TCHH: variants seen among roughly 807,000 people sequenced by gnomAD.
TCHH encodes the protein trichohyalin.
Under a neutral mutation model 6.3 loss-of-function variants are expected in TCHH, and 6 were observed. The observed-to-expected ratio is 0.95, with a 90% CI of 0.52 to 1.88. TCHH has a LOEUF of 1.88. Among genes scored for constraint, TCHH ranks in the 40% most tolerant of loss-of-function variants. The pLI, the probability that TCHH is intolerant of heterozygous loss-of-function variation, is 0.01. For synonymous variants in TCHH, 1,087 were observed against 963.6 expected, an observed-to-expected ratio of 1.13 and a Z score of -2.37; for missense variants, 2,920 against 2,449.1, an observed-to-expected ratio of 1.19 and a Z score of -4.06.
Position 152,108,441 on chromosome 1 carries a change from T to C in TCHH, c.4776A>G (p.Glu1592=). ...RLEEQKVRRQ[E]QERKFMEDEQ... is the part of the protein sequence containing the mutation. Reference sequence around the variant, plus strand: ...CGTCCTCCATGAATTTTCTCTCTTGTTCCTGGCGGCGCACTTTCTGTTCCT... The same window carrying C: ...CGTCCTCCATGAATTTTCTCTCTTGCTCCTGGCGGCGCACTTTCTGTTCCT... Residue 1592 remains glutamate, a synonymous_variant, in exon 3 of 3, where the codon GAA becomes GAG. Coordinates refer to ENST00000614923, the MANE Select transcript of TCHH (RefSeq NM_007113.4). The C allele has an allele frequency of 1.2e-6, 2 of 1,610,886 alleles. No homozygotes were observed. The highest frequency in any genetic ancestry group is 1.1e-5 in the South Asian group (1 of 90,920).
Position 152,112,670 on chromosome 1 carries a change from G to A in TCHH, c.547C>T (p.Arg183Trp), listed in dbSNP as rs766702248. 1.2e-6 allele frequency: 2 copies of A among 1,613,990 alleles called. No homozygotes were observed. ...TCTTCCTCTGCACGGCGCTCTTCCC[G>A]TTCTTGCCATTCTTGCCTTTGCCGC... ...LWRQRQEWQE[R>W]EERRAEEEQL... is the part of the protein sequence containing the mutation. The change falls in exon 3 of 3, where the codon CGG becomes TGG. Residue 183 changes from arginine to tryptophan, a missense_variant. Transcript: ENST00000614923.
Position 152,108,475 on chromosome 1 carries a change from A to G in TCHH, c.4742T>C (p.Phe1581Ser). 6.2e-7 allele frequency: 1 copy of G among 1,609,588 alleles called. No individual in the cohort carries two copies. Among genetic ancestry groups the G allele is most frequent in the South Asian group, 1.1e-5 (1 of 90,830 alleles). Residue 1581 changes from phenylalanine to serine, a missense_variant, in exon 3 of 3, where the codon TTC (phenylalanine) becomes TCC (serine). Physicochemically the swap from Phe to Ser is radical, Grantham distance 155. Transcript: ENST00000614923. ...GCGCACTTTCTGTTCCTCTAAACGG[A>G]ATTTTCTGTCACGCTCTTGGCGGCT... is the stretch of plus-strand genomic sequence containing the variant. ...QLSRQERDRKFRLEEQKVRRQ... is the reference protein window; with the variant it reads ...QLSRQERDRKSRLEEQKVRRQ...
chr1:152,107,519 C>A lies in TCHH; in HGVS notation c.5698G>T (p.Glu1900Ter). Residue 1900 changes from glutamate to a stop codon, truncating the protein, a stop_gained, in exon 3 of 3, where the codon GAG (glutamate) becomes TAG (stop). Coordinates refer to ENST00000614923, the MANE Select transcript of TCHH (RefSeq NM_007113.4). LOFTEE classifies it high-confidence loss of function. ...CCCTTCCCTTCTTGGGATTTTATCTCCCCGACTTGGCGGTGCCTCTGTTCC... is the reference window on the plus strand; with the variant it reads ...CCCTTCCCTTCTTGGGATTTTATCTACCCGACTTGGCGGTGCCTCTGTTCC... ...KEEQRHRQVG[E>*]IKSQEGKGHG... 1 of 1,614,168 alleles carries A rather than the reference C, an allele frequency of 6.2e-7. No individual in the cohort carries two copies. The highest frequency in any genetic ancestry group is 8.5e-7 in the Non-Finnish European group (1 of 1,180,026).
rs776809280 is a variant in TCHH at position 152,112,931 on chromosome 1, C to T, written c.286G>A (p.Asp96Asn). Residue 96 changes from aspartate (D) to asparagine (N), a missense_variant, in exon 3 of 3, where the codon GAT becomes AAT. Asp to Asn is a conservative substitution (Grantham distance 23). Transcript: ENST00000614923. ...TCACACCGGGCTCGCTTCTCCTCAT[C>T]CAGTCCCGTGGCCTGGCCGAGAGCA... ...YYALGQATGL[D>N]EEKRARCDGK... is the part of the protein sequence containing the mutation. The T allele has an allele frequency of 2.5e-6, 4 of 1,613,888 alleles. No individual in the cohort carries two copies. In the East Asian group the frequency reaches 6.7e-5, roughly 27 times the overall value.
In TCHH at chr1:152,110,582, C is replaced by A; in HGVS notation, c.2635G>T (p.Glu879Ter). 1.2e-6 allele frequency: 2 copies of A among 1,614,106 alleles called. No individual in the cohort carries two copies. The highest frequency in any genetic ancestry group is 1.7e-6 in the Non-Finnish European group (2 of 1,179,974). The change falls in exon 3 of 3, where the codon GAA (glutamate) becomes TAA (stop). Residue 879 changes from glutamate to a stop codon, truncating the protein, a stop_gained. Transcript: ENST00000614923. LOFTEE classifies it low-confidence loss of function (END_TRUNC). ...RRDQKWRWQL[E>*]EERKRRRHTL... is the part of the protein sequence containing the mutation. ...TGGCGGCGTCTCTTCCTTTCTTCTT[C>A]TAGTTGCCACCTCCATTTTTGGTCG...
Position 152,113,067 on chromosome 1 carries a change from G to T in TCHH, c.150C>A (p.Asp50Glu). The T allele has an allele frequency of 6.3e-7, 1 of 1,595,082 alleles. No individual in the cohort carries two copies. Among genetic ancestry groups the T allele is most frequent in the East Asian group, 2.2e-5 (1 of 44,658 alleles). Residue 50 changes from aspartate (D) to glutamate (E), a missense_variant, in exon 3 of 3, where the codon GAC (aspartate) becomes GAA (glutamate). Transcript: ENST00000614923. ...EFGAVLRRPH[D>E]PKTVDLILEL... The stretch of plus-strand genomic sequence containing the variant: ...CCAGGATCAGATCTACCGTCTTAGG[G>T]TCATGTGGTCTCTATAAAAATGGTG...
In TCHH at chr1:152,109,190, G is replaced by GAA; in HGVS notation, c.4026_4027insTT (p.Gln1343PhefsTer82). 6.2e-7 allele frequency: 1 copy of GAA among 1,614,124 alleles called. No homozygotes were observed. Among genetic ancestry groups the GAA allele is most frequent in the Non-Finnish European group, 8.5e-7 (1 of 1,179,944 alleles). ...TGTTCCTCCCTTTCCTGGAGCAGCT[G>GAA]TTCCTCCTCGCGGAATTTTCTGTCT... On this transcript the variant is annotated frameshift_variant, in exon 3 of 3. Coordinates refer to ENST00000614923, the MANE Select transcript of TCHH (RefSeq NM_007113.4). LOFTEE classifies it low-confidence loss of function (END_TRUNC).
Position 152,107,632 on chromosome 1 carries a change from T to C in TCHH, c.5585A>G (p.Gln1862Arg). ...CTGCTCCTCTTCTTGCCATAGTTCT[T>C]GTTCCTCACGACGACTCTTCTCCTG... ...ATQEKSRREE[Q>R]ELWQEEEQKR... The change falls in exon 3 of 3, where the codon CAA (glutamine) becomes CGA (arginine). Residue 1862 changes from glutamine (Q) to arginine (R), a missense_variant. Coordinates refer to ENST00000614923, the MANE Select transcript of TCHH (RefSeq NM_007113.4). The C allele has an allele frequency of 1.9e-6, 3 of 1,614,160 alleles. No homozygotes were observed. Among genetic ancestry groups the C allele is most frequent in the South Asian group, 1.1e-5 (1 of 91,076 alleles).
In TCHH at chr1:152,109,174, C is replaced by G. The variant is rs112406611; in HGVS notation, c.4043G>C (p.Arg1348Thr). The G allele has an allele frequency of 3.7e-5, 59 of 1,613,470 alleles. No homozygotes were observed. Among genetic ancestry groups the G allele is most frequent in the Non-Finnish European group, 4.7e-5 (56 of 1,179,728 alleles). Residue 1348 changes from arginine to threonine, a missense_variant, in exon 3 of 3, where the codon AGG becomes ACG. Transcript: ENST00000614923. ...TTGGCGGCGCAGCGGCTGTTCCTCC[C>G]TTTCCTGGAGCAGCTGTTCCTCCTC... The part of the protein sequence containing the change: ...FREEEQLLQE[R>T]EEQPLRRQER...
rs371247136 is a variant in TCHH, at chr1:152,110,195, G to A, written c.3022C>T (p.Arg1008Trp). 25 of 1,606,368 alleles carry A rather than the reference G, an allele frequency of 1.6e-5. No individual in the cohort carries two copies. In the African/African-American group the frequency reaches 2.1e-4, roughly 13 times the overall value. The change falls in exon 3 of 3, where the codon CGG (arginine) becomes TGG (tryptophan). Residue 1008 changes from arginine (R) to tryptophan (W), a missense_variant. Coordinates refer to ENST00000614923, the MANE Select transcript of TCHH (RefSeq NM_007113.4). Reference sequence around the variant, plus strand: ...CACTCCTGGCGCCTTCTCTTCTCCCGTTCCTCTCTCAGCAGCTGCTCTTCC... The same window carrying A: ...CACTCCTGGCGCCTTCTCTTCTCCCATTCCTCTCTCAGCAGCTGCTCTTCC... Reference protein sequence around the residue: ...QEEEQLLREEREKRRRQEWER... With the variant: ...QEEEQLLREEWEKRRRQEWER...
chr1:152,113,058 C>G lies in TCHH; in HGVS notation c.159G>C (p.Thr53=), dbSNP rs766566615. The G allele has an allele frequency of 3.1e-6, 5 of 1,610,384 alleles. No homozygotes were observed. The Admixed American group carries it at 8.4e-5, about 27-fold the overall frequency. ...AVLRRPHDPK[T]VDLILELLDL... ...CCAGAAGTTCCAGGATCAGATCTACCGTCTTAGGGTCATGTGGTCTCTATA... is the reference window on the plus strand; with the variant it reads ...CCAGAAGTTCCAGGATCAGATCTACGGTCTTAGGGTCATGTGGTCTCTATA... Residue 53 remains threonine, a synonymous_variant, in exon 3 of 3, where the codon ACG becomes ACC. Transcript: ENST00000614923.
rs754288544 is a variant in TCHH at position 152,109,772 on chromosome 1, C to G, written c.3445G>C (p.Glu1149Gln). The change falls in exon 3 of 3, where the codon GAG becomes CAG. Residue 1149 changes from glutamate to glutamine, a missense_variant. Transcript: ENST00000614923. ...TCCTCTCTCAGCAGCTGCTCTTCCT[C>G]CTGCTGCACCTCCTCTTCCTCCCGA... Reference protein sequence around the residue: ...QYREEEEVQQEEEQLLREEPE... With the variant: ...QYREEEEVQQQEEQLLREEPE... The G allele has an allele frequency of 6.3e-7, 1 of 1,580,238 alleles. No homozygotes were observed. Among genetic ancestry groups the G allele is most frequent in the South Asian group, 1.1e-5 (1 of 88,960 alleles).
Position 152,110,184 on chromosome 1 carries a change from T to G in TCHH, c.3033A>C (p.Arg1011Ser), listed in dbSNP as rs1658281101. The stretch of plus-strand genomic sequence containing the variant: ...ACTGCCTCTCCCACTCCTGGCGCCT[T>G]CTCTTCTCCCGTTCCTCTCTCAGCA... ...EQLLREEREK[R>S]RRQEWERQYR... Residue 1011 changes from arginine to serine, a missense_variant, in exon 3 of 3, where the codon AGA (arginine) becomes AGC (serine). Physicochemically the swap from Arg to Ser is moderately radical, Grantham distance 110. Coordinates refer to ENST00000614923, the MANE Select transcript of TCHH (RefSeq NM_007113.4). 1 of 1,607,618 alleles carries G rather than the reference T, an allele frequency of 6.2e-7. No individual in the cohort carries two copies. The highest frequency in any genetic ancestry group is 1.7e-5 in the Admixed American group (1 of 59,436).
At position 152,109,172 on chromosome 1, in the gene TCHH, C is replaced by T. The variant is rs1189805421; in HGVS notation, c.4045G>A (p.Glu1349Lys). Reference protein sequence around the residue: ...REEEQLLQEREEQPLRRQERD... With the variant: ...REEEQLLQERKEQPLRRQERD... ...TCTTGGCGGCGCAGCGGCTGTTCCT[C>T]CCTTTCCTGGAGCAGCTGTTCCTCC... is the stretch of plus-strand genomic sequence containing the variant. The change falls in exon 3 of 3, where the codon GAG (glutamate) becomes AAG (lysine). Residue 1349 changes from glutamate to lysine, a missense_variant. Coordinates refer to ENST00000614923, the MANE Select transcript of TCHH (RefSeq NM_007113.4). 2.5e-6 allele frequency: 4 copies of T among 1,613,940 alleles called. No individual in the cohort carries two copies. Among genetic ancestry groups the T allele is most frequent in the South Asian group, 2.2e-5 (2 of 91,088 alleles).
At position 152,111,554 on chromosome 1, in the gene TCHH, C is replaced by T. The variant is rs575016195; in HGVS notation, c.1663G>A (p.Glu555Lys). 2.3e-5 allele frequency: 36 copies of T among 1,573,868 alleles called. No individual in the cohort carries two copies. In the African/African-American group the frequency reaches 4.6e-4, roughly 20 times the overall value. ...CGCCTCTCCTGCTCGAGCCTCTTCT[C>T]CTCCTCGCGCTTCAGCAGCTGCTCG... ...RREQLLKREE[E>K]KRLEQERREQ... The change falls in exon 3 of 3, where the codon GAG becomes AAG. Residue 555 changes from glutamate (E) to lysine (K), a missense_variant. Coordinates refer to ENST00000614923, the MANE Select transcript of TCHH (RefSeq NM_007113.4).
rs1557813999 is a variant in TCHH, at chr1:152,114,007, C to T, written c.74G>A (p.Gly25Glu). 1 of 1,613,946 alleles carries T rather than the reference C, an allele frequency of 6.2e-7. No individual in the cohort carries two copies. Among genetic ancestry groups the T allele is most frequent in the Non-Finnish European group, 8.5e-7 (1 of 1,179,928 alleles). ...CAGGTCTTTCTTAGTTAATGCTGCT[C>T]CATCACAATCATGAGAGACATACTG... ...FNQYVSHDCD[G>E]AALTKKDLKN... The change falls in exon 2 of 3, where the codon GGA (glycine) becomes GAA (glutamate). Residue 25 changes from glycine to glutamate, a missense_variant. Gly to Glu is a moderately conservative substitution (Grantham distance 98). Transcript: ENST00000614923.
Position 152,108,614 on chromosome 1 carries a change from G to A in TCHH, c.4603C>T (p.Gln1535Ter). The change falls in exon 3 of 3, where the codon CAG becomes TAG. Residue 1535 changes from glutamine (Q) to a stop codon, truncating the protein, a stop_gained. Transcript: ENST00000614923. LOFTEE classifies it low-confidence loss of function (END_TRUNC). Reference protein sequence around the residue: ...HRQQRQRKFLQEEQQLRRQER... With the variant: ...HRQQRQRKFL ...TGGCGGCGCAGCTGCTGTTCCTCCT[G>A]GAGGAATTTTCTCTGCCGTTGCTGG... The A allele has an allele frequency of 6.3e-7, 1 of 1,591,966 alleles. No homozygotes were observed.
In TCHH at chr1:152,107,125, T is replaced by TA. The variant is rs1658127332; in HGVS notation, c.*259_*260insT. 2 of 307,554 alleles carry TA rather than the reference T, an allele frequency of 6.5e-6. No homozygotes were observed. Among genetic ancestry groups the TA allele is most frequent in the Non-Finnish European group, 1.2e-5 (2 of 168,966 alleles). The allele number at this position is 307,554 out of a possible 1,614,324, so 19.1% of individuals were successfully genotyped here. On this transcript the variant is annotated 3_prime_UTR_variant, in exon 3 of 3. Coordinates refer to ENST00000614923, the MANE Select transcript of TCHH (RefSeq NM_007113.4). The stretch of plus-strand genomic sequence containing the variant: ...TCTTAAACAAATTAAATGATTTATA[T>TA]TTTTTTTAAATGCACACCACATCTG...
rs1658291437 is a variant in TCHH, at chr1:152,110,357, G to A, written c.2860C>T (p.Gln954Ter). Residue 954 changes from glutamine to a stop codon, truncating the protein, a stop_gained, in exon 3 of 3, where the codon CAG (glutamine) becomes TAG (stop). Transcript: ENST00000614923. LOFTEE classifies it low-confidence loss of function (END_TRUNC). ...TTCCGATATTGCCTTTCCCGCTCCT[G>A]GCGTCTTCTTTTCTCCCGTTCCTCT... ...LREEREKRRR[Q>*]ERERQYRKDK... is the part of the protein sequence containing the mutation. 1 of 1,610,950 alleles carries A rather than the reference G, an allele frequency of 6.2e-7. No individual in the cohort carries two copies. Among genetic ancestry groups the A allele is most frequent in the Admixed American group, 1.7e-5 (1 of 59,654 alleles).
Sources: gnomAD v4.1 joint callset for allele counts on GRCh38, gnomAD v4.1.1 for gene constraint, MANE v1.5 for transcripts, NCBI Gene and HGNC (gene_info 2026-07-23, HGNC 2026-07-21) for gene names.